The following CALCRL variants were observed in gnomAD, a reference collection of about 807,000 sequenced individuals.
CALCRL encodes the protein calcitonin receptor like receptor.
In CALCRL, 27 loss-of-function variants were observed where a neutral mutation model predicts 60.4. The ratio of observed to expected loss-of-function variants is 0.45; its 90% CI spans 0.33 to 0.62. The LOEUF (loss-of-function observed/expected upper bound fraction) is 0.62. Among genes scored for constraint, CALCRL ranks in the 20% least tolerant of loss-of-function variants. The pLI is 0.03. For synonymous variants in CALCRL, 190 were observed against 182.6 expected, an observed-to-expected ratio of 1.04 and a Z score of -0.33; for missense variants, 424 against 540.7, an observed-to-expected ratio of 0.78 and a Z score of 2.14.
chr2:187,399,370 T>C (rs952746504), intron 1 of CALCRL, among the ~76,000 whole-genome samples: 1 of 151,488 alleles, frequency 6.6e-6, no homozygotes, highest in Admixed American at 6.6e-5. Context: ...GAGATATTCA[T>C]ACCCAGCTCA....
At chr2:187,352,643 CTG>C (rs1198640400) in intron 12 of CALCRL, among the ~76,000 whole-genome samples, 12 of 151,802 alleles carry the variant, frequency 7.9e-5, no homozygotes, top group Middle Eastern at 3.4e-3. Flanking sequence ...TTAAAAAAAT[CTG>C]TGGTCTAAAA....
intron 1 of CALCRL, among the ~76,000 whole-genome samples, chr2:187,410,203 T>C (rs1005446249): frequency 3.3e-5 from 5 of 152,004 alleles, no homozygotes; most frequent in African/African-American, 4.8e-5. Flanking sequence ...ATCTGTAGGG[T>C]AGAAAGAAGA....
chr2:187,407,269 A>G (rs1397209475), intron 1 of CALCRL, among the ~76,000 whole-genome samples: 2 of 152,132 alleles, frequency 1.3e-5, no homozygotes, highest in Admixed American at 6.6e-5. Context: ...ATATGCATCC[A>G]TAGTGATGAT....
chr2:187,348,719 C>T (rs2105687121), intron 14 of CALCRL, among the ~76,000 whole-genome samples: 1 of 151,738 alleles, frequency 6.6e-6, no homozygotes, highest in East Asian at 1.9e-4. Context: ...TAAAGATCCA[C>T]AGGCCTTGTA....
At chr2:187,356,751 C>G (rs1686806962) in intron 12 of CALCRL, among the ~76,000 whole-genome samples, 1 of 152,142 alleles carries the variant, frequency 6.6e-6, no homozygotes, top group South Asian at 2.1e-4. Flanking sequence ...GCAATCTACC[C>G]ATGTGACAAA....
intron 14 of CALCRL, among the ~76,000 whole-genome samples, chr2:187,347,928 A>T (rs1416385811): frequency 1.3e-5 from 2 of 151,820 alleles, no homozygotes; most frequent in Non-Finnish European, 2.9e-5. Context: ...AATTAAAATG[A>T]AATAACTTCG....
intron 8 of CALCRL, among the ~76,000 whole-genome samples, chr2:187,366,918 C>CACACACA (rs1553506257): frequency 3.7e-4 from 31 of 84,602 alleles, no homozygotes; most frequent in African/African-American, 1.3e-3. Context: ...GTGAGTATAA[C>CACACACA]CCCACACACA....
intron 1 of CALCRL, chr2:187,442,135 TACAC>T (rs1234988485): frequency 6.9e-6 from 1 of 144,562 alleles, no homozygotes; most frequent in African/African-American, 2.5e-5. Flanking sequence ...TATACATACA[TACAC>T]ACACACATAC....
Position 187,378,962 on chromosome 2 carries a change from G to T in CALCRL, c.478C>A (p.Leu160Ile). ...GLSIASLLIS[L>I]GIFFYFKSLS... ...TACTTGAAATAAAAGAATATGCCAAGCGAGATAAGCAGTGATGCAATAGAC... is the reference window on the plus strand; with the variant it reads ...TACTTGAAATAAAAGAATATGCCAATCGAGATAAGCAGTGATGCAATAGAC... The change falls in exon 8 of 15, where the codon CTT becomes ATT. Residue 160 changes from leucine (L) to isoleucine (I), a missense_variant. Coordinates refer to ENST00000392370, the MANE Select transcript of CALCRL (RefSeq NM_005795.6). 6.2e-7 allele frequency: 1 copy of T among 1,602,310 alleles called. No individual in the cohort carries two copies. Among genetic ancestry groups the T allele is most frequent in the Non-Finnish European group, 8.5e-7 (1 of 1,171,416 alleles).
In CALCRL at chr2:187,393,665, G is replaced by GA. The variant is rs554497204; in HGVS notation, c.-292-5910dup. Among the ~76,000 whole-genome samples, 80 of 152,192 alleles carry GA rather than the reference G, an allele frequency of 5.3e-4. 1 individual carries two copies. The highest frequency in any genetic ancestry group is 1.8e-3 in the African/African-American group (75 of 41,550). On this transcript the variant is annotated intron_variant, in intron 1 of 14. Coordinates refer to ENST00000392370, the MANE Select transcript of CALCRL (RefSeq NM_005795.6). ...GTATACAGAAAGTGTTTTTAAAGTA[G>GA]ATTGCTTATGAAATAAATTTAATCA...
intron 1 of CALCRL, among the ~76,000 whole-genome samples, chr2:187,440,678 G>A (rs1202292601): frequency 6.6e-6 from 1 of 152,054 alleles, no homozygotes; most frequent in Non-Finnish European, 1.5e-5. Context: ...GAATGCTTGT[G>A]TTATATCTAA....
Position 187,383,437 on chromosome 2 carries a change from G to GA in CALCRL, c.52-133dup, listed in dbSNP as rs985266205. 1.9e-5 allele frequency: 12 copies of GA among 620,032 alleles called. No individual in the cohort carries two copies. The Admixed American group carries it at 2.4e-4, about 12-fold the overall frequency. 38.4% of individuals were successfully genotyped at this position (620,032 alleles called of 1,614,324 possible). On this transcript the variant is annotated intron_variant, in intron 4 of 14. Coordinates refer to ENST00000392370, the MANE Select transcript of CALCRL (RefSeq NM_005795.6). The stretch of plus-strand genomic sequence containing the variant: ...CTGGAAGATAAACTGGCGCTCTAGG[G>GA]AAAAAACCCCAATTTGTAGTGTTTG...
intron 9 of CALCRL, 129 bp downstream of exon 9, chr2:187,363,245 AAT>A (rs536289979): frequency 1.7e-4 from 139 of 839,926 alleles, no homozygotes; most frequent in South Asian, 2.8e-4. Flanking sequence ...AAGACTTGAA[AAT>A]ATATATATAT....
chr2:187,349,740 T>C (rs987588386), intron 14 of CALCRL, among the ~76,000 whole-genome samples: 6 of 151,676 alleles, frequency 4.0e-5, no homozygotes, highest in Non-Finnish European at 8.9e-5. Context: ...AGGTTCTGTG[T>C]CCCTTTTGTT....
chr2:187,439,089 C>T (rs1317670169), intron 1 of CALCRL, among the ~76,000 whole-genome samples: 1 of 152,102 alleles, frequency 6.6e-6, no homozygotes, highest in African/African-American at 2.4e-5. Flanking sequence ...ACCTAATATA[C>T]AGGCACTTAT....
At position 187,383,184 on chromosome 2, in the gene CALCRL, T is replaced by G; in HGVS notation, c.173A>C (p.Gln58Pro). 6.2e-7 allele frequency: 1 copy of G among 1,608,526 alleles called. No individual in the cohort carries two copies. The highest frequency in any genetic ancestry group is 8.5e-7 in the Non-Finnish European group (1 of 1,178,922). ...CYQKIMQDPI[Q>P]QAEGVYCNRT... ...GTAGCCATGCTTACCTTCTGCTTGT[T>G]GAATGGGGTCTTGCATAATCTTTTG... Residue 58 changes from glutamine to proline, a missense_variant, in exon 5 of 15, where the codon CAA (glutamine) becomes CCA (proline). Gln to Pro is a moderately conservative substitution (Grantham distance 76). Coordinates refer to ENST00000392370, the MANE Select transcript of CALCRL (RefSeq NM_005795.6).
At chr2:187,375,236 C>A (rs1196789796) in intron 8 of CALCRL, among the ~76,000 whole-genome samples, 1 of 139,386 alleles carries the variant, frequency 7.2e-6, no homozygotes, top group Non-Finnish European at 1.5e-5. Context: ...TGCGCCACTG[C>A]AGTCCGCAGT....
chr2:187,438,721 A>G (rs897185413), intron 1 of CALCRL, among the ~76,000 whole-genome samples: 1 of 152,166 alleles, frequency 6.6e-6, no homozygotes, highest in African/African-American at 2.4e-5. Flanking sequence ...TTTATGTTAA[A>G]ATACTGAGCA....
chr2:187,445,527 CT>C lies in CALCRL; in HGVS notation c.-293+2511del, dbSNP rs541950471. Reference sequence around the variant, plus strand: ...CTTTTAAAATTAAGTTACTATCAAACTTTTGCCATGTAGATAAAATTGGTAG... The same window carrying C: ...CTTTTAAAATTAAGTTACTATCAAACTTTGCCATGTAGATAAAATTGGTAG... On this transcript the variant is annotated intron_variant, in intron 1 of 14. Coordinates refer to ENST00000392370, the MANE Select transcript of CALCRL (RefSeq NM_005795.6). 5.0e-3 allele frequency among the ~76,000 whole-genome samples: 756 copies of C among 151,524 alleles called. 7 individuals carry two copies. The highest frequency in any genetic ancestry group is 6.3e-3 in the Non-Finnish European group (423 of 67,526).
Sources: allele counts gnomAD v4.1 joint callset (sites outside exome capture counted in the v4.1 genomes callset), GRCh38; gene constraint gnomAD v4.1.1; transcripts MANE v1.5; gene names NCBI Gene and HGNC (gene_info 2026-07-23, HGNC 2026-07-21).